SEL1L2: variants seen among roughly 807,000 people sequenced by gnomAD.
SEL1L2 encodes SEL1L2 adaptor subunit of SYVN1 ubiquitin ligase.
In SEL1L2, 89 loss-of-function variants were observed where a neutral mutation model predicts 98.8. The ratio of observed to expected loss-of-function variants is 0.90; its 90% confidence interval spans 0.76 to 1.07. The LOEUF (loss-of-function observed/expected upper bound fraction) is 1.07. SEL1L2 is among the 50% of genes least tolerant of loss of function. SEL1L2 has a pLI of 0.00. For synonymous variants in SEL1L2, 262 were observed against 278.5 expected, an observed-to-expected ratio of 0.94 and a Z score of 0.59; for missense variants, 788 against 812.0, an observed-to-expected ratio of 0.97 and a Z score of 0.36.
At chr20:13,896,025 A>G (rs2047407978) in intron 5 of SEL1L2, among the ~76,000 whole-genome samples, 1 of 152,116 alleles carries the variant, frequency 6.6e-6, no homozygotes, top group African/African-American at 2.4e-5. Flanking sequence ...ATACAAAAAA[A>G]TTAGGCAAGC....
intron 14 of SEL1L2, among the ~76,000 whole-genome samples, chr20:13,867,519 T>C (rs2045982626): frequency 6.6e-6 from 1 of 152,178 alleles, no homozygotes; most frequent in Non-Finnish European, 1.5e-5. Flanking sequence ...AGCAGTGCCA[T>C]GTAGCGATTA....
At chr20:13,967,608 G>T (rs2051109448) in intron 1 of SEL1L2, among the ~76,000 whole-genome samples, 2 of 152,004 alleles carry the variant, frequency 1.3e-5, no homozygotes, top group African/African-American at 4.8e-5. Context: ...AACCATATGG[G>T]GGCAACTTTC....
intron 2 of SEL1L2, among the ~76,000 whole-genome samples, chr20:13,936,749 C>T (rs1412158330): frequency 1.3e-5 from 2 of 152,144 alleles, no homozygotes; most frequent in Non-Finnish European, 2.9e-5. Context: ...GTATATTAAG[C>T]CCTTTTTCTA....
intron 2 of SEL1L2, among the ~76,000 whole-genome samples, chr20:13,947,252 C>T (rs552186788): frequency 5.9e-5 from 9 of 152,212 alleles, no homozygotes; most frequent in South Asian, 2.1e-4. Flanking sequence ...TAAAAACCCC[C>T]GGACTCAGCT....
chr20:13,870,223 C>A lies in SEL1L2; in HGVS notation c.1105-20G>T. The A allele has an allele frequency of 6.3e-7, 1 of 1,581,748 alleles. No individual in the cohort carries two copies. The highest frequency in any genetic ancestry group is 8.6e-7 in the Non-Finnish European group (1 of 1,160,672). On this transcript the variant is annotated intron_variant, in intron 12 of 19. Transcript: ENST00000284951. ...ATTGCCCTAGAAGAGTTTTATAAAG[C>A]CAAGTAAAGTCCCAGAAGAATTCAT...
At chr20:13,885,071 C>T (rs1034963215) in intron 10 of SEL1L2, among the ~76,000 whole-genome samples, 2 of 152,012 alleles carry the variant, frequency 1.3e-5, no homozygotes, top group African/African-American at 4.8e-5. Flanking sequence ...CGTGTGAGTG[C>T]GCAGAACTAG....
At chr20:13,886,237 C>G in intron 9 of SEL1L2, 51 bp downstream of exon 9, 1 of 1,369,580 alleles carries the variant, frequency 7.3e-7, no homozygotes, top group East Asian at 2.3e-5. Flanking sequence ...AAGAATTAAG[C>G]CCCTTGTAAT....
At chr20:13,884,078 T>C (rs1239152350) in intron 10 of SEL1L2, among the ~76,000 whole-genome samples, 2 of 152,236 alleles carry the variant, frequency 1.3e-5, no homozygotes, top group Non-Finnish European at 2.9e-5. Flanking sequence ...CTTCGACATT[T>C]ACCTGATGTT....
At chr20:13,899,908 C>T (rs1874823279) in intron 5 of SEL1L2, among the ~76,000 whole-genome samples, 1 of 152,084 alleles carries the variant, frequency 6.6e-6, no homozygotes, top group Non-Finnish European at 1.5e-5. Flanking sequence ...TTTCAATTCG[C>T]TAAAATTTTA....
At chr20:13,989,187 A>C (rs182881723) in intron 1 of SEL1L2, among the ~76,000 whole-genome samples, 1 of 152,286 alleles carries the variant, frequency 6.6e-6, no homozygotes, top group Non-Finnish European at 1.5e-5. Flanking sequence ...TCAGAATATG[A>C]GTTTCACACT....
At chr20:13,871,891 TA>T (rs1465243412) in intron 12 of SEL1L2, among the ~76,000 whole-genome samples, 6 of 152,180 alleles carry the variant, frequency 3.9e-5, no homozygotes, top group African/African-American at 4.8e-5. Flanking sequence ...TATGTTCTAA[TA>T]AAAAGCTCTC....
intron 3 of SEL1L2, among the ~76,000 whole-genome samples, chr20:13,926,238 C>T (rs2048894775): frequency 6.6e-6 from 1 of 152,170 alleles, no homozygotes; most frequent in Admixed American, 6.5e-5. Flanking sequence ...TGGCGTGAAC[C>T]CTGGAGGCGG....
chr20:13,983,040 A>AAAAAAAAAAAAAAAAAAAAAAAAACAC (rs2051930616), intron 1 of SEL1L2, among the ~76,000 whole-genome samples: 1 of 142,688 alleles, frequency 7.0e-6, no homozygotes, highest in Non-Finnish European at 1.5e-5. Context: ...AAAAAAAAAA[A>AAAAAAAAAAAAAAAAAAAAAAAAACAC]AAAAAAAAGC....
intron 2 of SEL1L2, 76 bp from the exon 3 acceptor site, chr20:13,931,847 T>C (rs1416804147): frequency 8.1e-7 from 1 of 1,238,790 alleles, no homozygotes; most frequent in African/African-American, 1.6e-5. Flanking sequence ...AAAGTGAAAA[T>C]TCATATATTC....
At chr20:13,857,469 G>A (rs1989347210) in intron 18 of SEL1L2, among the ~76,000 whole-genome samples, 2 of 152,194 alleles carry the variant, frequency 1.3e-5, no homozygotes, top group Admixed American at 6.5e-5. Context: ...CTGACAGTCC[G>A]CCAGCTGGGC....
chr20:13,902,836 G>T (rs1004771281), intron 5 of SEL1L2, among the ~76,000 whole-genome samples: 11 of 151,988 alleles, frequency 7.2e-5, no homozygotes, highest in African/African-American at 2.7e-4. Context: ...GTAAAATTCC[G>T]GCCAGGCGCG....
intron 5 of SEL1L2, among the ~76,000 whole-genome samples, chr20:13,907,682 CTCTTTCTTTCTTTCTTTCTCTT>C (rs1288329824): frequency 3.3e-5 from 5 of 150,150 alleles, no homozygotes; most frequent in African/African-American, 4.9e-5. Flanking sequence ...TTCTCTTTTT[CTCTTTCTTTCTTTCTTTCTCTT>C]TCTTTCTTTC....
chr20:13,921,335 C>G (rs1194144749), intron 3 of SEL1L2, among the ~76,000 whole-genome samples: 1 of 152,178 alleles, frequency 6.6e-6, no homozygotes, highest in African/African-American at 2.4e-5. Context: ...CCACGCCCAG[C>G]TAATTTTTGT....
intron 14 of SEL1L2, among the ~76,000 whole-genome samples, chr20:13,867,201 G>A (rs187364744): frequency 2.0e-5 from 3 of 152,226 alleles, no homozygotes; most frequent in Admixed American, 6.5e-5. Context: ...GATTTATCTC[G>A]CCATCTTTGT....
Sources: gnomAD v4.1 joint callset for allele counts (sites outside exome capture counted in the v4.1 genomes callset) on GRCh38, gnomAD v4.1.1 for gene constraint, MANE v1.5 for transcripts, NCBI Gene and HGNC (gene_info 2026-07-23, HGNC 2026-07-21) for gene names.